Variants in EPS15 observed in about 807,000 individuals in gnomAD.
EPS15 encodes the protein epidermal growth factor receptor pathway substrate 15.
Under a neutral mutation model 113.8 loss-of-function variants are expected in EPS15, and 72 were observed. That is an observed-to-expected ratio of 0.63 (90% CI 0.52 to 0.77). EPS15 has a LOEUF of 0.77. Ranked by LOEUF, EPS15 falls within the 30% of genes least tolerant of loss-of-function variation. EPS15 has a pLI of 0.00. For missense variants in EPS15, 1,048 were observed against 1,045.8 expected, an observed-to-expected ratio of 1.00 and a Z score of -0.03; for synonymous variants, 344 against 363.4, an observed-to-expected ratio of 0.95 and a Z score of 0.61.
At chr1:51,428,944 T>G (rs1391797368) in intron 12 of EPS15, among the ~76,000 whole-genome samples, 1 of 151,236 alleles carries the variant, frequency 6.6e-6, no homozygotes. Flanking sequence ...CAGGCTGGAG[T>G]GCATTGGTGT....
At chr1:51,493,331 A>G (rs1032150009) in intron 1 of EPS15, among the ~76,000 whole-genome samples, 5 of 150,288 alleles carry the variant, frequency 3.3e-5, no homozygotes, top group African/African-American at 1.2e-4. Context: ...ACTGCACTCC[A>G]GCCTGGATGA....
intron 16 of EPS15, among the ~76,000 whole-genome samples, chr1:51,404,259 T>C (rs567718452): frequency 6.6e-6 from 1 of 150,522 alleles, no homozygotes; most frequent in African/African-American, 2.5e-5. Context: ...GGCAGGAGAA[T>C]AGCTTAAACC....
intron 1 of EPS15, among the ~76,000 whole-genome samples, chr1:51,507,561 T>C (rs1415791343): frequency 6.6e-6 from 1 of 151,892 alleles, no homozygotes; most frequent in Non-Finnish European, 1.5e-5. Flanking sequence ...CTTGGGATAC[T>C]GAGGCAGGAG....
At position 51,448,453 on chromosome 1, in the gene EPS15, A is replaced by AATT. The variant is rs529812716; in HGVS notation, c.562-319_562-318insAAT. On this transcript the variant is annotated intron_variant, in intron 8 of 24. Transcript: ENST00000371733. ...ATGCAAAGAAAGAAGTACTCTCCCT[A>AATT]ATATATAGAGCTCCTAAAAATTAAC... Among the ~76,000 whole-genome samples, 9 of 152,300 alleles carry AATT rather than the reference A, an allele frequency of 5.9e-5. No homozygotes were observed. The South Asian group carries it at 1.9e-3, about 32-fold the overall frequency.
At chr1:51,432,235 A>T (rs1386791238) in intron 12 of EPS15, among the ~76,000 whole-genome samples, 1 of 152,246 alleles carries the variant, frequency 6.6e-6, no homozygotes, top group Non-Finnish European at 1.5e-5. Flanking sequence ...GCCACAAAAC[A>T]GTACAAGCAA....
chr1:51,388,540 G>C, intron 21 of EPS15, among the ~76,000 whole-genome samples: 1 of 152,086 alleles, frequency 6.6e-6, no homozygotes, highest in Non-Finnish European at 1.5e-5. Context: ...CTGGTTTTTT[G>C]AAAGGATCAA....
chr1:51,476,563 T>C (rs1368012532), intron 2 of EPS15, among the ~76,000 whole-genome samples: 1 of 152,208 alleles, frequency 6.6e-6, no homozygotes, highest in African/African-American at 2.4e-5. Context: ...TCATTTTTTA[T>C]TGCGTCTATT....
intron 12 of EPS15, among the ~76,000 whole-genome samples, chr1:51,427,427 A>G (rs1329073081): frequency 2.0e-5 from 3 of 152,168 alleles, no homozygotes; most frequent in Non-Finnish European, 4.4e-5. Context: ...CTCTTAATTC[A>G]GTGTATGTGA....
chr1:51,468,365 A>G, intron 5 of EPS15, 108 bp downstream of exon 5: 1 of 827,576 alleles, frequency 1.2e-6, no homozygotes, highest in Non-Finnish European at 2.0e-6. Context: ...TAGCTGAGTG[A>G]AAGGGCCAAA....
rs535011445 is a variant in EPS15 at position 51,354,519 on chromosome 1, C to T, written c.*2181G>A. 6 of 182,474 alleles carry T rather than the reference C, an allele frequency of 3.3e-5. No individual in the cohort carries two copies. Among genetic ancestry groups the T allele is most frequent in the Admixed American group, 6.2e-5 (1 of 16,006 alleles). The allele number at this position is 182,474 out of a possible 1,614,324, so 11.3% of individuals were successfully genotyped here. ...AAGAGAAAATTCTATAAAGAGAGCTCAAATAAACATGAATCAGTATGTAGA... is the reference window on the plus strand; with the variant it reads ...AAGAGAAAATTCTATAAAGAGAGCTTAAATAAACATGAATCAGTATGTAGA... On this transcript the variant is annotated 3_prime_UTR_variant, in exon 25 of 25. Transcript: ENST00000371733.
Position 51,511,162 on chromosome 1 carries a change from G to A in EPS15, c.33+8037C>T, listed in dbSNP as rs150429115. Among the ~76,000 whole-genome samples, 52 of 145,510 alleles carry A rather than the reference G, an allele frequency of 3.6e-4. No individual in the cohort carries two copies. In the East Asian group the frequency reaches 9.0e-3, roughly 25 times the overall value. On this transcript the variant is annotated intron_variant, in intron 1 of 24. Coordinates refer to ENST00000371733, the MANE Select transcript of EPS15 (RefSeq NM_001981.3). ...GCCTGAGCGACAGAGCCAGACCTCC[G>A]CCTCAAAAAATAATAATAAATAAAT...
At chr1:51,485,947 G>A (rs1393328377) in intron 1 of EPS15, among the ~76,000 whole-genome samples, 8 of 151,878 alleles carry the variant, frequency 5.3e-5, no homozygotes, top group East Asian at 2.0e-4. Flanking sequence ...ACAGGTGCCC[G>A]CCACCACATC....
chr1:51,519,216 G>A lies in EPS15; in HGVS notation c.16C>T (p.Gln6Ter). MAAAA[Q>*]LSLTQLSSGN... ...GGCGTTACCTGTGTCAGAGAGAGCT[G>A]GGCCGCCGCAGCCATGGTGTTTCCA... The change falls in exon 1 of 25, where the codon CAG becomes TAG. Residue 6 changes from glutamine (Q) to a stop codon, truncating the protein, a stop_gained. Coordinates refer to ENST00000371733, the MANE Select transcript of EPS15 (RefSeq NM_001981.3). LOFTEE classifies it high-confidence loss of function. The A allele has an allele frequency of 1.4e-6, 2 of 1,417,918 alleles. No individual in the cohort carries two copies. Among genetic ancestry groups the A allele is most frequent in the Non-Finnish European group, 9.3e-7 (1 of 1,075,764 alleles). 87.8% of individuals were successfully genotyped at this position (1,417,918 alleles called of 1,614,324 possible).
intron 5 of EPS15, among the ~76,000 whole-genome samples, chr1:51,467,843 C>T (rs1171360876): frequency 1.3e-5 from 2 of 152,154 alleles, no homozygotes; most frequent in Admixed American, 6.6e-5. Flanking sequence ...CCATCCATCC[C>T]TCCCAGGTCC....
At chr1:51,377,259 C>A (rs913180472) in intron 21 of EPS15, among the ~76,000 whole-genome samples, 1 of 152,142 alleles carries the variant, frequency 6.6e-6, no homozygotes, top group Non-Finnish European at 1.5e-5. Context: ...AGTGAAACTC[C>A]GTCTCAAACA....
At position 51,518,792 on chromosome 1, in the gene EPS15, CG is replaced by C. The variant is rs1236597517; in HGVS notation, c.33+406del. Among the ~76,000 whole-genome samples, 8 of 151,294 alleles carry C rather than the reference CG, an allele frequency of 5.3e-5. No individual in the cohort carries two copies. In the South Asian group the frequency reaches 1.5e-3, roughly 28 times the overall value. ...GCCTCGTGCGGCCCGGGGGTGCGGCCGGCCCGCGCGAGCTCAACAGGAGCTC... is the reference window on the plus strand; with the variant it reads ...GCCTCGTGCGGCCCGGGGGTGCGGCCGCCCGCGCGAGCTCAACAGGAGCTC... On this transcript the variant is annotated intron_variant, in intron 1 of 24. Transcript: ENST00000371733.
At chr1:51,415,891 T>C (rs546459763) in intron 13 of EPS15, among the ~76,000 whole-genome samples, 40 of 150,200 alleles carry the variant, frequency 2.7e-4, no homozygotes, top group Non-Finnish European at 5.0e-4. Flanking sequence ...ATTAAAATTA[T>C]TAAACTGCAC....
At chr1:51,396,738 C>T (rs574988094) in intron 20 of EPS15, among the ~76,000 whole-genome samples, 17 of 152,198 alleles carry the variant, frequency 1.1e-4, no homozygotes, top group African/African-American at 4.1e-4. Context: ...AATAAGGGGC[C>T]ACAAAACTCT....
In EPS15 at chr1:51,460,993, A is replaced by C. The variant is rs142670759; in HGVS notation, c.561+98T>G. On this transcript the variant is annotated intron_variant, in intron 8 of 24. Coordinates refer to ENST00000371733, the MANE Select transcript of EPS15 (RefSeq NM_001981.3). ...AAAAAGTTCACCCAATAATCTGATG[A>C]GAATATAGTTTTCCTCTAAGGATGA... The C allele has an allele frequency of 2.9e-4, 228 of 783,868 alleles. 1 individual carries two copies. In the African/African-American group the frequency reaches 3.4e-3, roughly 12 times the overall value. The allele number at this position is 783,868 out of a possible 1,614,324, so 48.6% of individuals were successfully genotyped here.
Sources: allele counts gnomAD v4.1 joint callset (sites outside exome capture counted in the v4.1 genomes callset), GRCh38; gene constraint gnomAD v4.1.1; transcripts MANE v1.5; gene names NCBI Gene and HGNC (gene_info 2026-07-23, HGNC 2026-07-21).